NLRP12: variants seen among roughly 807,000 people sequenced by gnomAD.
NLRP12 encodes the protein NACHT, LRR and PYD domains-containing protein 12.
In NLRP12, 108 loss-of-function variants were observed where a neutral mutation model predicts 91.2. The ratio of observed to expected loss-of-function variants is 1.18; its 90% CI spans 1.01 to 1.39. NLRP12 has a LOEUF of 1.39. Among genes scored for constraint, NLRP12 ranks in the 40% most tolerant of loss-of-function variants. The pLI, the probability that NLRP12 is intolerant of heterozygous loss-of-function variation, is 0.00. For synonymous variants in NLRP12, 613 were observed against 566.7 expected, an observed-to-expected ratio of 1.08 and a Z score of -1.16; for missense variants, 1,530 against 1,352.7, an observed-to-expected ratio of 1.13 and a Z score of -2.06.
chr19:53,815,219 A>G (rs56292002), intron 1 of NLRP12, among the ~76,000 whole-genome samples: 10,733 of 134,746 alleles, frequency 0.08, 465 homozygotes, highest in East Asian at 0.13. Flanking sequence ...CATCCATCCA[A>G]TCAGTCTTTT....
At chr19:53,803,038 C>T (rs1042481910) in intron 6 of NLRP12, among the ~76,000 whole-genome samples, 2 of 152,060 alleles carry the variant, frequency 1.3e-5, no homozygotes, top group African/African-American at 4.8e-5. Flanking sequence ...TGTGAGCCAC[C>T]GCGCCCTGCC....
intron 1 of NLRP12, among the ~76,000 whole-genome samples, chr19:53,820,172 ACT>A (rs1298211467): frequency 6.6e-6 from 1 of 151,892 alleles, no homozygotes; most frequent in East Asian, 1.9e-4. Context: ...GGGAGTCAAG[ACT>A]CTTTCTGCCT....
intron 4 of NLRP12, among the ~76,000 whole-genome samples, chr19:53,806,236 A>T (rs985735562): frequency 4.0e-5 from 6 of 151,860 alleles, no homozygotes; most frequent in African/African-American, 1.5e-4. Context: ...TATCTCAAAA[A>T]ATAACATATG....
chr19:53,802,849 C>T (rs1157766596), intron 6 of NLRP12, among the ~76,000 whole-genome samples: 2 of 152,218 alleles, frequency 1.3e-5, no homozygotes, highest in East Asian at 3.8e-4. Context: ...TCACAGCTCA[C>T]TGCAGCCTTG....
rs759713074 is a variant in NLRP12 at position 53,810,954 on chromosome 19, C to A, written c.705G>T (p.Ala235=). Residue 235 remains alanine (A), a synonymous_variant, in exon 3 of 10, where the codon GCG becomes GCT. Transcript: ENST00000324134. The part of the protein sequence containing the change: ...MLAHKVMLDW[A]DGKLFQGRFD... ...ATCTGCCTTGGAAGAGCTTCCCGTC[C>A]GCCCAGTCCAGCATCACCTTGTGTG... is the stretch of plus-strand genomic sequence containing the variant. 3 of 1,614,030 alleles carry A rather than the reference C, an allele frequency of 1.9e-6. No homozygotes were observed. Among genetic ancestry groups the A allele is most frequent in the Admixed American group, 1.7e-5 (1 of 59,974 alleles).
At chr19:53,813,358 G>A (rs1476609158) in intron 2 of NLRP12, among the ~76,000 whole-genome samples, 4 of 133,926 alleles carry the variant, frequency 3.0e-5, no homozygotes, top group East Asian at 4.5e-4. Flanking sequence ...GCTGGAGTGC[G>A]GCGGCACGAT....
chr19:53,802,266 G>GC (rs2091887800), intron 6 of NLRP12, among the ~76,000 whole-genome samples: 2 of 151,834 alleles, frequency 1.3e-5, no homozygotes, highest in Non-Finnish European at 2.9e-5. Flanking sequence ...TGAGCAAAAG[G>GC]CTTGAATACA....
intron 6 of NLRP12, among the ~76,000 whole-genome samples, chr19:53,802,719 G>A (rs1010953887): frequency 4.2e-4 from 63 of 148,874 alleles, no homozygotes; most frequent in Non-Finnish European, 8.2e-4. Context: ...AAAAAAAAAA[G>A]AAAACTGGGG....
chr19:53,812,366 T>G (rs1206255151), intron 2 of NLRP12, among the ~76,000 whole-genome samples: 1 of 147,598 alleles, frequency 6.8e-6, no homozygotes, highest in African/African-American at 2.5e-5. Flanking sequence ...CTGTAAGAGA[T>G]CGCCCCACTG....
rs754512228 is a variant in NLRP12 at position 53,819,410 on chromosome 19, AATATATATATATATATATAT to A, written c.290-4442_290-4423del. 8.5e-3 allele frequency among the ~76,000 whole-genome samples: 202 copies of A among 23,676 alleles called. 34 individuals carry two copies. The highest frequency in any genetic ancestry group is 0.038 in the Middle Eastern group (1 of 26). The allele number at this position is 23,676 out of a possible 152,430, so 15.5% of individuals were successfully genotyped here. A position where few individuals can be genotyped will look rare whatever the true frequency, so the allele number is the denominator to read the frequency against. The stretch of plus-strand genomic sequence containing the variant: ...CAGGCGTGTGCCACTACGCCTGGCT[AATATATATATATATATATAT>A]ATATATATATATATATATATATATA... On this transcript the variant is annotated intron_variant, in intron 1 of 9. Coordinates refer to ENST00000324134, the MANE Select transcript of NLRP12 (RefSeq NM_144687.4).
intron 4 of NLRP12, among the ~76,000 whole-genome samples, chr19:53,806,721 G>T (rs996201377): frequency 1.4e-5 from 2 of 142,924 alleles, no homozygotes; most frequent in African/African-American, 5.2e-5. Flanking sequence ...AGCCGGGTGT[G>T]GTTGCACATG....
chr19:53,823,455 TA>T (rs1361250026), intron 1 of NLRP12, among the ~76,000 whole-genome samples: 1 of 19,060 alleles, frequency 5.2e-5, no homozygotes, highest in African/African-American at 1.7e-4. Flanking sequence ...TTTAAATATA[TA>T]TTTTAAATAT....
intron 6 of NLRP12, among the ~76,000 whole-genome samples, chr19:53,801,831 G>T (rs930063428): frequency 6.6e-5 from 10 of 151,980 alleles, no homozygotes; most frequent in Non-Finnish European, 1.5e-4. Flanking sequence ...GGTGGCTCAC[G>T]CCTGTAATCC....
intron 6 of NLRP12, among the ~76,000 whole-genome samples, chr19:53,802,266 G>A (rs921279137): frequency 6.6e-6 from 1 of 151,834 alleles, no homozygotes; most frequent in Non-Finnish European, 1.5e-5. Flanking sequence ...TGAGCAAAAG[G>A]CTTGAATACA....
rs2092041610 is a variant in NLRP12, at chr19:53,810,189, G to A, written c.1470C>T (p.Asp490=). The part of the protein sequence containing the change: ...DLRKHGLDGE[D]VSAFLNMNIF... ...TGTTCATGTTGAGGAAGGCAGAGAC[G>A]TCTTCCCCGTCTAGGCCGTGCTTCC... The change falls in exon 3 of 10, where the codon GAC becomes GAT. Residue 490 remains aspartate (D), a synonymous_variant. Transcript: ENST00000324134. 2 of 1,614,184 alleles carry A rather than the reference G, an allele frequency of 1.2e-6. No individual in the cohort carries two copies. Among genetic ancestry groups the A allele is most frequent in the South Asian group, 1.1e-5 (1 of 91,088 alleles).
At position 53,814,957 on chromosome 19, in the gene NLRP12, C is replaced by T. The variant is rs765552274; in HGVS notation, c.321G>A (p.Gly107=). 1.9e-6 allele frequency: 3 copies of T among 1,613,890 alleles called. No individual in the cohort carries two copies. The highest frequency in any genetic ancestry group is 2.5e-6 in the Non-Finnish European group (3 of 1,179,958). Residue 107 remains glycine (G), a synonymous_variant, in exon 2 of 10, where the codon GGG becomes GGA. Transcript: ENST00000324134. ...CTTCCAGAAGGCATGTTGACTGGTT[C>T]CCAAGTGAGGACGGGCCACCAGGTG... The part of the protein sequence containing the change: ...DTPPGGPSSL[G]NQSTCLLEVS...
intron 1 of NLRP12, among the ~76,000 whole-genome samples, chr19:53,816,061 C>T (rs777357788): frequency 9.3e-5 from 14 of 151,244 alleles, no homozygotes; most frequent in East Asian, 3.9e-4. Context: ...TATGGGCCAT[C>T]GTGCCCAGCC....
Position 53,819,660 on chromosome 19 carries a change from C to CACACGTATATATATGT in NLRP12, c.289+4225_289+4226insACATATATATACGTGT, listed in dbSNP as rs1568696771. The stretch of plus-strand genomic sequence containing the variant: ...ATGTATGTATACGTATATATATACA[C>CACACGTATATATATGT]ATGTATACATATATGTATGTATACA... On this transcript the variant is annotated intron_variant, in intron 1 of 9. Coordinates refer to ENST00000324134, the MANE Select transcript of NLRP12 (RefSeq NM_144687.4). 2.1e-3 allele frequency among the ~76,000 whole-genome samples: 45 copies of CACACGTATATATATGT among 21,152 alleles called. 7 individuals carry two copies. The highest frequency in any genetic ancestry group is 3.6e-3 in the Admixed American group (8 of 2,244). The allele number at this position is 21,152 out of a possible 152,430, so 13.9% of individuals were successfully genotyped here.
chr19:53,801,426 A>G (rs1167876458), intron 6 of NLRP12, 29 bp from the exon 7 acceptor site: 1 of 1,434,608 alleles, frequency 7.0e-7, no homozygotes, highest in Non-Finnish European at 9.7e-7. Context: ...AACAAGCATT[A>G]TGGAGGCTTT....
Sources: gnomAD v4.1 joint callset for allele counts (sites outside exome capture counted in the v4.1 genomes callset) on GRCh38, gnomAD v4.1.1 for gene constraint, MANE v1.5 for transcripts, NCBI Gene and HGNC (gene_info 2026-07-23, HGNC 2026-07-21) for gene names.